The following NOTCH2NLB variants were observed in gnomAD, a reference collection of about 807,000 sequenced individuals.
NOTCH2NLB encodes the protein notch homolog 2 N-terminal-like protein B.
NOTCH2NLB carries 1 observed loss-of-function variant against 14.8 expected under a neutral mutation model. The observed-to-expected ratio is 0.07, with a 90% CI of 0.02 to 0.32. The LOEUF (loss-of-function observed/expected upper bound fraction) is 0.32. Ranked by LOEUF, NOTCH2NLB falls within the 10% of genes least tolerant of loss-of-function variation. The pLI, the probability that NOTCH2NLB is intolerant of heterozygous loss-of-function variation, is 1.00. For synonymous variants in NOTCH2NLB, 6 were observed against 57.5 expected (o/e 0.10, Z 4.05); for missense variants, 11 against 155.0 (o/e 0.07, Z 4.93).
chr1:148,637,258 T>C (rs1282358939), intron 2 of NOTCH2NLB, among the ~76,000 whole-genome samples: 85 of 140,166 alleles, frequency 6.1e-4, no homozygotes, highest in African/African-American at 2.3e-3. Context: ...TTAGTAGAGA[T>C]GGGATTTCAC....
chr1:148,633,461 G>A (rs1258479777), intron 2 of NOTCH2NLB, among the ~76,000 whole-genome samples: 3 of 78,184 alleles, frequency 3.8e-5, no homozygotes, highest in African/African-American at 8.0e-5. Context: ...GCTGAGGCAG[G>A]AGAATGGCAT....
At chr1:148,670,535 A>AT (rs1347581270) in intron 1 of NOTCH2NLB, among the ~76,000 whole-genome samples, 3,759 of 56,274 alleles carry the variant, frequency 0.067, 65 homozygotes, top group East Asian at 0.096. Context: ...AAACTAAAAA[A>AT]AAAAATATAT....
intron 3 of NOTCH2NLB, among the ~76,000 whole-genome samples, chr1:148,609,992 C>T (rs1663634190): frequency 7.0e-6 from 1 of 142,762 alleles, no homozygotes; most frequent in Admixed American, 6.9e-5. Flanking sequence ...ACAACTGAAA[C>T]AGAAAGATCC....
chr1:148,609,298 A>C, intron 3 of NOTCH2NLB, among the ~76,000 whole-genome samples: 1 of 90,104 alleles, frequency 1.1e-5, no homozygotes, highest in Middle Eastern at 5.3e-3. Context: ...TCCTGTGTCC[A>C]AGTGTTCTCA....
At position 148,624,035 on chromosome 1, in the gene NOTCH2NLB, G is replaced by C. The variant is rs1206505077; in HGVS notation, c.78-8085C>G. ...GGGAAGAAAGGGGAGTAATAGCTAA[G>C]ACAGTCAGAAATAACAGACCCTTGT... On this transcript the variant is annotated intron_variant, in intron 2 of 4. Coordinates refer to ENST00000593495, the Ensembl canonical transcript of NOTCH2NLB. 3.5e-5 allele frequency among the ~76,000 whole-genome samples: 3 copies of C among 85,978 alleles called. 1 individual carries two copies. The highest frequency in any genetic ancestry group is 6.1e-5 in the Non-Finnish European group (3 of 49,366). The allele number at this position is 85,978 out of a possible 152,430, so 56.4% of individuals were successfully genotyped here. A position where few individuals can be genotyped will look rare whatever the true frequency, so the allele number is the denominator to read the frequency against.
chr1:148,622,469 C>T (rs1663907273), intron 2 of NOTCH2NLB, among the ~76,000 whole-genome samples: 1 of 73,158 alleles, frequency 1.4e-5, no homozygotes, highest in South Asian at 6.8e-4. Flanking sequence ...GCTATCCTGC[C>T]TCCCCATCAC....
intron 2 of NOTCH2NLB, among the ~76,000 whole-genome samples, chr1:148,633,063 T>C (rs1291650327): frequency 8.2e-6 from 1 of 122,212 alleles, no homozygotes; most frequent in Non-Finnish European, 1.6e-5. Flanking sequence ...TGCTACTGTC[T>C]TTAAATTTAG....
rs1347581270 is a variant in NOTCH2NLB at position 148,670,535 on chromosome 1, A to ATATATATAT, written c.3+8926_3+8927insATATATATA. 6.3e-3 allele frequency among the ~76,000 whole-genome samples: 375 copies of ATATATATAT among 59,706 alleles called. 3 individuals carry two copies. The highest frequency in any genetic ancestry group is 8.8e-3 in the East Asian group (10 of 1,136). The allele number at this position is 59,706 out of a possible 152,430, so 39.2% of individuals were successfully genotyped here. On this transcript the variant is annotated intron_variant, in intron 1 of 4. Coordinates refer to ENST00000593495, the Ensembl canonical transcript of NOTCH2NLB. ...TGTAGATCTGTTCATAAACTAAAAAAAAAAATATATATATATACATATATA... is the reference window on the plus strand; with the variant it reads ...TGTAGATCTGTTCATAAACTAAAAAATATATATATAAAAATATATATATATACATATATA...
chr1:148,623,857 G>A lies in NOTCH2NLB; in HGVS notation c.78-7907C>T, dbSNP rs1279932750. 6.1e-4 allele frequency among the ~76,000 whole-genome samples: 41 copies of A among 67,410 alleles called. 4 individuals are homozygous for A. Among genetic ancestry groups the A allele is most frequent in the Non-Finnish European group, 6.7e-4 (28 of 41,684 alleles). 44.2% of individuals were successfully genotyped at this position (67,410 alleles called of 152,430 possible). On this transcript the variant is annotated intron_variant, in intron 2 of 4. Coordinates refer to ENST00000593495, the Ensembl canonical transcript of NOTCH2NLB. The stretch of plus-strand genomic sequence containing the variant: ...AAAGCAGGCTAAATTTCATGTGATG[G>A]ATAAAGTCAGTCTCTCAATCCAAAT...
rs1259361905 is a variant in NOTCH2NLB at position 148,638,271 on chromosome 1, C to T, written c.77+1745G>A. Among the ~76,000 whole-genome samples, 2 of 149,058 alleles carry T rather than the reference C, an allele frequency of 1.3e-5. 1 individual carries two copies. The highest frequency in any genetic ancestry group is 5.0e-5 in the African/African-American group (2 of 39,892). On this transcript the variant is annotated intron_variant, in intron 2 of 4. Coordinates refer to ENST00000593495, the Ensembl canonical transcript of NOTCH2NLB. ...ACTTAGCACCTTTTAGTTTAAGAAA[C>T]ACATTGCTGAACAATAACTACACCA...
intron 2 of NOTCH2NLB, among the ~76,000 whole-genome samples, chr1:148,637,579 T>C (rs1291199826): frequency 1.3e-5 from 2 of 148,678 alleles, no homozygotes; most frequent in African/African-American, 5.0e-5. Flanking sequence ...TACATAAATT[T>C]TTTTTAAATT....
Position 148,622,325 on chromosome 1 carries a change from G to A in NOTCH2NLB, c.78-6375C>T, listed in dbSNP as rs1369834130. 4.5e-5 allele frequency among the ~76,000 whole-genome samples: 5 copies of A among 111,924 alleles called. 1 individual carries two copies. The highest frequency in any genetic ancestry group is 3.4e-4 in the South Asian group (1 of 2,970). The allele number at this position is 111,924 out of a possible 152,430, so 73.4% of individuals were successfully genotyped here. ...TTGGAGGTTGCAGTGAGCCAAGATCGCGTCACTGCACTCCAGCCTGGGCAA... is the reference window on the plus strand; with the variant it reads ...TTGGAGGTTGCAGTGAGCCAAGATCACGTCACTGCACTCCAGCCTGGGCAA... On this transcript the variant is annotated intron_variant, in intron 2 of 4. Coordinates refer to ENST00000593495, the Ensembl canonical transcript of NOTCH2NLB.
chr1:148,622,336 C>T lies in NOTCH2NLB; in HGVS notation c.78-6386G>A. Reference sequence around the variant, plus strand: ...AGTGAGCCAAGATCGCGTCACTGCACTCCAGCCTGGGCAACAGAGCGAGAC... The same window carrying T: ...AGTGAGCCAAGATCGCGTCACTGCATTCCAGCCTGGGCAACAGAGCGAGAC... On this transcript the variant is annotated intron_variant, in intron 2 of 4. Coordinates refer to ENST00000593495, the Ensembl canonical transcript of NOTCH2NLB. Among the ~76,000 whole-genome samples, 2 of 112,112 alleles carry T rather than the reference C, an allele frequency of 1.8e-5. 1 individual carries two copies. The highest frequency in any genetic ancestry group is 8.1e-5 in the African/African-American group (2 of 24,564). The allele number at this position is 112,112 out of a possible 152,430, so 73.5% of individuals were successfully genotyped here.
At chr1:148,615,153 G>A in intron 3 of NOTCH2NLB, among the ~76,000 whole-genome samples, 1 of 136,664 alleles carries the variant, frequency 7.3e-6, no homozygotes, top group South Asian at 2.5e-4. Context: ...TTTTTTTTTT[G>A]AGACAGGGTC....
At chr1:148,639,459 AT>A (rs1218090464) in intron 2 of NOTCH2NLB, among the ~76,000 whole-genome samples, 5 of 56,530 alleles carry the variant, frequency 8.8e-5, no homozygotes, top group Non-Finnish European at 2.8e-5. Flanking sequence ...ACATTTTTTT[AT>A]TTTTTTTTAT....
rs1194273075 is a variant in NOTCH2NLB, at chr1:148,658,550, C to CTTTT, written c.4-18465_4-18462dup. ...TTGCAATTAGACAGGCCCAATACCA[C>CTTTT]TTTTTTTTTTTTTTTTTTTTTTTTT... On this transcript the variant is annotated intron_variant, in intron 1 of 4. Coordinates refer to ENST00000593495, the Ensembl canonical transcript of NOTCH2NLB. 3.9e-4 allele frequency among the ~76,000 whole-genome samples: 15 copies of CTTTT among 38,586 alleles called. 2 individuals carry two copies. Among genetic ancestry groups the CTTTT allele is most frequent in the East Asian group, 1.3e-3 (1 of 752 alleles). The allele number at this position is 38,586 out of a possible 152,430, so 25.3% of individuals were successfully genotyped here.
intron 1 of NOTCH2NLB, among the ~76,000 whole-genome samples, chr1:148,660,775 TAC>T (rs1303671492): frequency 1.8e-5 from 2 of 113,508 alleles, no homozygotes; most frequent in Non-Finnish European, 3.7e-5. Context: ...ACTGAATATT[TAC>T]ACACACATAA....
intron 1 of NOTCH2NLB, among the ~76,000 whole-genome samples, chr1:148,670,364 CTGA>C (rs1182737439): frequency 4.8e-5 from 7 of 144,540 alleles, no homozygotes; most frequent in African/African-American, 1.7e-4. Context: ...ACAAACGCCA[CTGA>C]TGATATGAAA....
intron 2 of NOTCH2NLB, among the ~76,000 whole-genome samples, chr1:148,637,777 G>T: frequency 8.3e-6 from 1 of 120,758 alleles, no homozygotes; most frequent in African/African-American, 3.4e-5. Context: ...AGTGTGTGAT[G>T]TTCCCCTCCC....
Sources: gnomAD v4.1 joint callset for allele counts (sites outside exome capture counted in the v4.1 genomes callset) on GRCh38, gnomAD v4.1.1 for gene constraint, MANE v1.5 for transcripts, NCBI Gene and HGNC (gene_info 2026-07-23, HGNC 2026-07-21) for gene names.